Variants in NFIB observed in about 807,000 individuals in gnomAD.
NFIB encodes nuclear factor I B.
NFIB carries 11 observed loss-of-function variants against 61.5 expected under a neutral mutation model. The ratio of observed to expected loss-of-function variants is 0.18; its 90% CI spans 0.11 to 0.30. The LOEUF is 0.30. Among genes scored for constraint, NFIB ranks in the 10% least tolerant of loss-of-function variants. NFIB has a pLI of 1.00. For synonymous variants in NFIB, 260 were observed against 216.5 expected (o/e 1.20, Z -1.76); for missense variants, 471 against 608.9 (o/e 0.77, Z 2.38).
intron 6 of NFIB, among the ~76,000 whole-genome samples, chr9:14,134,145 A>C (rs1308855917): frequency 6.6e-6 from 1 of 152,178 alleles, no homozygotes; most frequent in African/African-American, 2.4e-5. Context: ...ATGTTCTATA[A>C]ATTTCTGTCA....
At chr9:14,118,914 A>C (rs2038554714) in intron 8 of NFIB, among the ~76,000 whole-genome samples, 1 of 152,004 alleles carries the variant, frequency 6.6e-6, no homozygotes, top group Admixed American at 6.6e-5. Context: ...AAATATACGT[A>C]AAACAAGCAC....
intron 3 of NFIB, among the ~76,000 whole-genome samples, chr9:14,168,399 G>T (rs146407182): frequency 6.6e-6 from 1 of 152,198 alleles, no homozygotes; most frequent in Non-Finnish European, 1.5e-5. Flanking sequence ...CTGCAGAGAG[G>T]CTCTGAAGAA....
intron 10 of NFIB, among the ~76,000 whole-genome samples, chr9:14,098,500 T>C (rs766443042): frequency 2.1e-4 from 32 of 152,258 alleles, no homozygotes; most frequent in Non-Finnish European, 4.6e-4. Flanking sequence ...ACAGGCTATA[T>C]TCTGACTATC....
At chr9:14,233,493 T>C (rs528223549) in intron 2 of NFIB, among the ~76,000 whole-genome samples, 1 of 150,166 alleles carries the variant, frequency 6.7e-6, no homozygotes, top group African/African-American at 2.5e-5. Context: ...AGTGGTGCGA[T>C]CTCGGCTCAC....
chr9:14,195,045 T>C (rs1392262384), intron 2 of NFIB, among the ~76,000 whole-genome samples: 2 of 152,128 alleles, frequency 1.3e-5, no homozygotes, highest in Non-Finnish European at 2.9e-5. Flanking sequence ...AATCCTATTC[T>C]TCTAGGCTTG....
At chr9:14,210,832 C>A (rs1297662079) in intron 2 of NFIB, among the ~76,000 whole-genome samples, 2 of 152,162 alleles carry the variant, frequency 1.3e-5, no homozygotes. Flanking sequence ...CCTAAAAAAA[C>A]TTCCCATTTC....
chr9:14,132,591 G>A (rs952813479), intron 6 of NFIB, among the ~76,000 whole-genome samples: 1 of 150,818 alleles, frequency 6.6e-6, no homozygotes, highest in Non-Finnish European at 1.5e-5. Flanking sequence ...AATTATTTTA[G>A]AGACAAGGTC....
chr9:14,497,277 T>C, the NFIB span, among the ~76,000 whole-genome samples: 2 of 152,230 alleles, frequency 1.3e-5, no homozygotes, highest in Admixed American at 1.3e-4. Flanking sequence ...TTTTTGGTAA[T>C]ACCATATAAG....
At chr9:14,205,292 AAAGG>A (rs921720147) in intron 2 of NFIB, among the ~76,000 whole-genome samples, 2 of 80,024 alleles carry the variant, frequency 2.5e-5, no homozygotes, top group African/African-American at 9.0e-5. Context: ...GGGAAAGAAG[AAAGG>A]AAGGGGAATG....
chr9:14,311,110 T>C (rs13290103), intron 1 of NFIB, among the ~76,000 whole-genome samples: 20,775 of 152,124 alleles, frequency 0.14, 2,366 homozygotes, highest in East Asian at 0.31. Flanking sequence ...ATATCTGATT[T>C]ATACTGGTGT....
intron 9 of NFIB, among the ~76,000 whole-genome samples, chr9:14,113,841 G>A (rs899362409): frequency 6.6e-6 from 1 of 152,024 alleles, no homozygotes; most frequent in African/African-American, 2.4e-5. Context: ...AGTCTCATTT[G>A]CAAGTACTTT....
chr9:14,211,601 A>C (rs986095110), intron 2 of NFIB, among the ~76,000 whole-genome samples: 2 of 152,238 alleles, frequency 1.3e-5, no homozygotes, highest in African/African-American at 4.8e-5. Flanking sequence ...CAGAAGACAG[A>C]ATCCAGAGCC....
rs377684223 is a variant in NFIB at position 14,106,131 on chromosome 9, A to G, written c.1467+6868T>C. Among the ~76,000 whole-genome samples the G allele has an allele frequency of 2.0e-5, 3 of 152,070 alleles. No homozygotes were observed. In the East Asian group the frequency reaches 5.8e-4, roughly 29 times the overall value. Reference sequence around the variant, plus strand: ...AATAGGAAATTGCTTTTTTCTCCCAATAGTAATCAAATTTAAAATACCAAG... The same window carrying G: ...AATAGGAAATTGCTTTTTTCTCCCAGTAGTAATCAAATTTAAAATACCAAG... On this transcript the variant is annotated intron_variant, in intron 10 of 10. Coordinates refer to ENST00000380953, the MANE Select transcript of NFIB (RefSeq NM_001190737.2).
the NFIB span, among the ~76,000 whole-genome samples, chr9:14,492,666 C>T: frequency 6.6e-6 from 1 of 152,090 alleles, no homozygotes; most frequent in South Asian, 2.1e-4. Context: ...ATGGTGTTAA[C>T]CCATTCATGA....
the NFIB span, among the ~76,000 whole-genome samples, chr9:14,502,415 T>G: frequency 6.6e-6 from 1 of 152,194 alleles, no homozygotes; most frequent in Non-Finnish European, 1.5e-5. Flanking sequence ...GAAAGTGACC[T>G]GAGAAGATTA....
chr9:14,147,989 G>C (rs985765073), intron 5 of NFIB, among the ~76,000 whole-genome samples: 11 of 152,078 alleles, frequency 7.2e-5, no homozygotes, highest in African/African-American at 2.7e-4. Context: ...CAATGAATAA[G>C]AAAGGTGACT....
At chr9:14,411,265 T>C in the NFIB span, among the ~76,000 whole-genome samples, 78,548 of 152,010 alleles carry the variant, frequency 0.52, 20,745 homozygotes, top group Admixed American at 0.66. Context: ...GGTCATCTGG[T>C]ACTTTTACTG....
chr9:14,392,993 T>C (rs2061642790), intron 1 of NFIB, among the ~76,000 whole-genome samples: 1 of 152,212 alleles, frequency 6.6e-6, no homozygotes, highest in African/African-American at 2.4e-5. Flanking sequence ...TCAACGGTCT[T>C]GCGAATCTTA....
intron 1 of NFIB, among the ~76,000 whole-genome samples, chr9:14,373,418 T>C (rs933634847): frequency 6.6e-6 from 1 of 152,200 alleles, no homozygotes; most frequent in African/African-American, 2.4e-5. Flanking sequence ...TCCAGACCAG[T>C]GGTATATTTA....
Sources: gnomAD v4.1 joint callset for allele counts (sites outside exome capture counted in the v4.1 genomes callset) on GRCh38, gnomAD v4.1.1 for gene constraint, MANE v1.5 for transcripts, NCBI Gene and HGNC (gene_info 2026-07-23, HGNC 2026-07-21) for gene names.